INPP4B: variants seen among roughly 807,000 people sequenced by gnomAD.
The protein encoded by INPP4B is inositol polyphosphate-4-phosphatase type II B.
In INPP4B, 55 loss-of-function variants were observed where a neutral mutation model predicts 122.5. That is an observed-to-expected ratio of 0.45 (90% CI 0.36 to 0.56). INPP4B has a LOEUF of 0.56. Ranked by LOEUF, INPP4B falls within the 20% of genes least tolerant of loss-of-function variation. The pLI is 0.00. For missense variants in INPP4B, 1,000 were observed against 1,097.7 expected (o/e 0.91, Z 1.26); for synonymous variants, 403 against 388.7 (o/e 1.04, Z -0.43).
intron 2 of INPP4B, among the ~76,000 whole-genome samples, chr4:142,536,192 G>C (rs535400440): frequency 3.3e-4 from 50 of 152,240 alleles, no homozygotes; most frequent in African/African-American, 1.2e-3. Flanking sequence ...CCAATTATCT[G>C]TATAAGAATT....
intron 21 of INPP4B, among the ~76,000 whole-genome samples, chr4:142,117,499 T>G (rs1794216849): frequency 6.6e-6 from 1 of 152,174 alleles, no homozygotes; most frequent in Non-Finnish European, 1.5e-5. Context: ...GATGTAAGGC[T>G]GCTTCAACCT....
chr4:142,464,963 G>A (rs933572137), intron 2 of INPP4B, among the ~76,000 whole-genome samples: 1 of 152,132 alleles, frequency 6.6e-6, no homozygotes, highest in Non-Finnish European at 1.5e-5. Context: ...TCTTCTGGAT[G>A]TTTTAGTTGA....
chr4:142,451,726 TG>T (rs1814277406), intron 3 of INPP4B, among the ~76,000 whole-genome samples: 2 of 152,140 alleles, frequency 1.3e-5, no homozygotes, highest in African/African-American at 4.8e-5. Context: ...CCATGATCAT[TG>T]GAACTGGCAA....
chr4:142,310,145 C>G (rs549439534), intron 8 of INPP4B, among the ~76,000 whole-genome samples: 2 of 151,434 alleles, frequency 1.3e-5, no homozygotes, highest in African/African-American at 4.8e-5. Flanking sequence ...TTTTATATTA[C>G]AATTTGCATG....
At chr4:142,191,842 C>A (rs1835969846) in intron 15 of INPP4B, among the ~76,000 whole-genome samples, 1 of 151,938 alleles carries the variant, frequency 6.6e-6, no homozygotes, top group African/African-American at 2.4e-5. Context: ...ATAAGAACTA[C>A]AACTGAGTTA....
rs532691157 is a variant in INPP4B, at chr4:142,799,579, A to G, written c.-254+46630T>C. The stretch of plus-strand genomic sequence containing the variant: ...AAATCTTGAAGGATTATAAAATAGT[A>G]CATAAAAATGTAGAAAATTCAAAAA... On this transcript the variant is annotated intron_variant, in intron 1 of 25. Coordinates refer to ENST00000262992, the MANE Select transcript of INPP4B (RefSeq NM_001101669.3). Among the ~76,000 whole-genome samples, 105 of 152,156 alleles carry G rather than the reference A, an allele frequency of 6.9e-4. No individual in the cohort carries two copies. In the Middle Eastern group the frequency reaches 0.017, roughly 25 times the overall value.
At chr4:142,145,074 T>C (rs1561277977) in intron 18 of INPP4B, among the ~76,000 whole-genome samples, 1 of 152,156 alleles carries the variant, frequency 6.6e-6, no homozygotes, top group Non-Finnish European at 1.5e-5. Flanking sequence ...TTGCCTTGGT[T>C]TTTGTGTCAA....
At chr4:142,720,765 C>CATATATATAT (rs1560996434) in intron 2 of INPP4B, among the ~76,000 whole-genome samples, 1 of 13,094 alleles carries the variant, frequency 7.6e-5, no homozygotes, top group African/African-American at 3.3e-4. Flanking sequence ...TATATAATCT[C>CATATATATAT]TCTCTCTCTC....
At chr4:142,664,196 G>A (rs2150598228) in intron 2 of INPP4B, among the ~76,000 whole-genome samples, 1 of 152,204 alleles carries the variant, frequency 6.6e-6, no homozygotes, top group South Asian at 2.1e-4. Context: ...CAACATACAT[G>A]CCAGCCATGC....
intron 25 of INPP4B, among the ~76,000 whole-genome samples, chr4:142,059,622 G>A (rs943127300): frequency 1.3e-5 from 2 of 152,072 alleles, no homozygotes; most frequent in South Asian, 2.1e-4. Context: ...ACTCCTTATG[G>A]TATATGGATT....
chr4:142,381,712 C>T, intron 7 of INPP4B, among the ~76,000 whole-genome samples: 1 of 152,146 alleles, frequency 6.6e-6, no homozygotes, highest in Non-Finnish European at 1.5e-5. Flanking sequence ...AAATGAAGTT[C>T]ATTTTTACAC....
intron 2 of INPP4B, among the ~76,000 whole-genome samples, chr4:142,475,753 CA>C (rs1363769657): frequency 6.6e-6 from 1 of 152,060 alleles, no homozygotes; most frequent in Non-Finnish European, 1.5e-5. Context: ...TCTCAGAGTT[CA>C]AAGACGGTTT....
At chr4:142,246,313 T>A (rs904021991) in intron 11 of INPP4B, among the ~76,000 whole-genome samples, 1 of 152,086 alleles carries the variant, frequency 6.6e-6, no homozygotes, top group African/African-American at 2.4e-5. Context: ...TTTAAAGTAG[T>A]TTTTTCTATT....
chr4:142,631,535 G>A (rs28415364), intron 2 of INPP4B, among the ~76,000 whole-genome samples: 16,527 of 151,912 alleles, frequency 0.11, 927 homozygotes, highest in South Asian at 0.15. Flanking sequence ...AAACAATACG[G>A]ACTAAAAACG....
chr4:142,410,163 C>A (rs1804296261), intron 5 of INPP4B, among the ~76,000 whole-genome samples: 1 of 152,176 alleles, frequency 6.6e-6, no homozygotes, highest in African/African-American at 2.4e-5. Flanking sequence ...AAGTAGAACA[C>A]AACTGTTCAT....
chr4:142,287,425 A>G (rs1754262852), intron 9 of INPP4B: 1 of 152,286 alleles, frequency 6.6e-6, no homozygotes, highest in African/African-American at 2.4e-5. Flanking sequence ...CCCCTTTTCT[A>G]TAGGCATAAC....
intron 2 of INPP4B, among the ~76,000 whole-genome samples, chr4:142,680,219 A>G (rs1758428134): frequency 6.6e-6 from 1 of 151,862 alleles, no homozygotes; most frequent in Non-Finnish European, 1.5e-5. Flanking sequence ...ACATATTTAT[A>G]TTAATTTGAG....
At chr4:142,534,223 G>T (rs1394746834) in intron 2 of INPP4B, among the ~76,000 whole-genome samples, 3 of 152,050 alleles carry the variant, frequency 2.0e-5, no homozygotes, top group African/African-American at 4.8e-5. Context: ...GGAACCTCAA[G>T]TCATGAAAAA....
At chr4:142,383,873 C>T (rs943438755) in intron 7 of INPP4B, 11 of 494,294 alleles carry the variant, frequency 2.2e-5, no homozygotes, top group Non-Finnish European at 3.9e-5. Flanking sequence ...ATCCGGGTGG[C>T]GGGAACACAG....
Sources: gnomAD v4.1 joint callset for allele counts (sites outside exome capture counted in the v4.1 genomes callset) on GRCh38, gnomAD v4.1.1 for gene constraint, MANE v1.5 for transcripts, NCBI Gene and HGNC (gene_info 2026-07-23, HGNC 2026-07-21) for gene names.